The following LINGO2 variants were observed in gnomAD, a reference collection of about 807,000 sequenced individuals.
LINGO2 encodes leucine-rich repeat and immunoglobulin-like domain-containing nogo receptor-interacting protein 2.
A neutral mutation model predicts 30.6 loss-of-function variants in LINGO2; 14 were observed. The ratio of observed to expected loss-of-function variants is 0.46; its 90% CI spans 0.30 to 0.72. LINGO2 has a LOEUF of 0.72. Among genes scored for constraint, LINGO2 ranks in the 30% least tolerant of loss-of-function variants. The probability of loss-of-function intolerance (pLI) is 0.07; values close to 1 mark genes in which losing one functional copy is unlikely to be tolerated. For synonymous variants in LINGO2, 317 were observed against 288.5 expected (o/e 1.10, Z -1.00); for missense variants, 729 against 751.7 (o/e 0.97, Z 0.35).
chr9:29,156,194 T>C, the LINGO2 span, among the ~76,000 whole-genome samples: 6 of 152,216 alleles, frequency 3.9e-5, no homozygotes, highest in African/African-American at 1.4e-4. Flanking sequence ...CTATAAGAGG[T>C]TAATTGTAAA....
intron 4 of LINGO2, among the ~76,000 whole-genome samples, chr9:28,061,609 C>T (rs1472880171): frequency 4.6e-5 from 7 of 151,894 alleles, no homozygotes; most frequent in Non-Finnish European, 1.0e-4. Flanking sequence ...CCATGATGCC[C>T]ATGCACCATG....
chr9:28,793,150 AAAGAC>A, the LINGO2 span, among the ~76,000 whole-genome samples: 1 of 152,196 alleles, frequency 6.6e-6, no homozygotes, highest in Admixed American at 6.5e-5. Flanking sequence ...AAATTAATAA[AAAGAC>A]AAGAGACAGA....
chr9:28,061,885 T>C (rs1437056877), intron 4 of LINGO2, among the ~76,000 whole-genome samples: 1 of 152,142 alleles, frequency 6.6e-6, no homozygotes, highest in Non-Finnish European at 1.5e-5. Context: ...AAATAACTTA[T>C]GAATAGTGTT....
At chr9:28,737,926 T>C in the LINGO2 span, among the ~76,000 whole-genome samples, 6 of 152,120 alleles carry the variant, frequency 3.9e-5, no homozygotes, top group African/African-American at 1.2e-4. Flanking sequence ...TATTCTTTAA[T>C]GGACAATTGC....
chr9:28,945,437 T>C, the LINGO2 span, among the ~76,000 whole-genome samples: 3 of 152,182 alleles, frequency 2.0e-5, no homozygotes, highest in Non-Finnish European at 4.4e-5. Context: ...GCCTAATAAG[T>C]GTAGAGAACT....
chr9:28,365,718 A>C (rs1820639211), intron 3 of LINGO2, among the ~76,000 whole-genome samples: 1 of 151,442 alleles, frequency 6.6e-6, no homozygotes, highest in South Asian at 2.1e-4. Context: ...TTCAGAGTTA[A>C]AGAATGGGGA....
chr9:28,667,429 G>A (rs1828847071), intron 1 of LINGO2, among the ~76,000 whole-genome samples: 1 of 151,818 alleles, frequency 6.6e-6, no homozygotes. Flanking sequence ...CTCCAAACAA[G>A]TCATACCTAA....
At chr9:28,658,685 A>G (rs568213228) in intron 1 of LINGO2, among the ~76,000 whole-genome samples, 1 of 152,234 alleles carries the variant, frequency 6.6e-6, no homozygotes, top group African/African-American at 2.4e-5. Context: ...ACAATCCACT[A>G]ATATATGTCT....
intron 1 of LINGO2, among the ~76,000 whole-genome samples, chr9:28,510,682 A>ATGTG (rs55645356): frequency 1.9e-4 from 29 of 150,408 alleles, no homozygotes; most frequent in African/African-American, 5.6e-4. Context: ...CTGTATATAT[A>ATGTG]TGTGTGTGTG....
intron 4 of LINGO2, among the ~76,000 whole-genome samples, chr9:28,254,747 A>G (rs549178254): frequency 6.6e-6 from 1 of 152,260 alleles, no homozygotes; most frequent in Admixed American, 6.5e-5. Flanking sequence ...TAAGCAACCA[A>G]TAGAAATACC....
At chr9:28,469,757 A>G (rs1825448731) in intron 2 of LINGO2, among the ~76,000 whole-genome samples, 1 of 152,194 alleles carries the variant, frequency 6.6e-6, no homozygotes, top group Admixed American at 6.5e-5. Flanking sequence ...AAATTAAAAC[A>G]TTCACCAGAC....
the LINGO2 span, among the ~76,000 whole-genome samples, chr9:28,788,142 A>G: frequency 2.0e-5 from 3 of 152,176 alleles, no homozygotes; most frequent in Non-Finnish European, 2.9e-5. Context: ...CAAAAGACAG[A>G]TATTTCCTTA....
intron 2 of LINGO2, among the ~76,000 whole-genome samples, chr9:28,380,626 T>G (rs1821316776): frequency 6.6e-6 from 1 of 151,888 alleles, no homozygotes; most frequent in Non-Finnish European, 1.5e-5. Context: ...CACCATATCG[T>G]GGAGGTCATT....
chr9:28,801,392 T>C, the LINGO2 span, among the ~76,000 whole-genome samples: 15,834 of 152,090 alleles, frequency 0.1, 898 homozygotes, highest in African/African-American at 0.14. Flanking sequence ...TGATCCAGAT[T>C]GGTAAACAAT....
chr9:29,125,101 T>A, the LINGO2 span, among the ~76,000 whole-genome samples: 11 of 152,236 alleles, frequency 7.2e-5, no homozygotes, highest in Admixed American at 7.2e-4. Context: ...TGAGTTCATG[T>A]CTTTACAGGG....
intron 4 of LINGO2, among the ~76,000 whole-genome samples, chr9:28,124,836 C>T (rs1827193391): frequency 6.6e-6 from 1 of 152,080 alleles, no homozygotes; most frequent in Non-Finnish European, 1.5e-5. Context: ...CTTGCTGTGG[C>T]CTTTCATTGA....
At chr9:28,067,732 G>A (rs1160576061) in intron 4 of LINGO2, among the ~76,000 whole-genome samples, 1 of 152,118 alleles carries the variant, frequency 6.6e-6, no homozygotes, top group Non-Finnish European at 1.5e-5. Context: ...GAGTCTTTAA[G>A]GGCATGCTGC....
At chr9:28,502,540 T>G (rs2135321388) in intron 1 of LINGO2, among the ~76,000 whole-genome samples, 1 of 152,202 alleles carries the variant, frequency 6.6e-6, no homozygotes, top group East Asian at 1.9e-4. Flanking sequence ...TATTTATCAT[T>G]TTAGCCGCAC....
intron 4 of LINGO2, among the ~76,000 whole-genome samples, chr9:28,251,160 C>A (rs756600939): frequency 1.1e-4 from 17 of 152,130 alleles, no homozygotes; most frequent in Non-Finnish European, 2.4e-4. Context: ...TGAATTCTTT[C>A]TCTGCCCCCT....
Sources: allele counts gnomAD v4.1 joint callset (sites outside exome capture counted in the v4.1 genomes callset), GRCh38; gene constraint gnomAD v4.1.1; transcripts MANE v1.5; gene names NCBI Gene and HGNC (gene_info 2026-07-23, HGNC 2026-07-21).